Variants in PDE1C observed in about 807,000 individuals in gnomAD.
The protein encoded by PDE1C is phosphodiesterase 1C, also known as dual specificity calcium/calmodulin-dependent 3',5'-cyclic nucleotide phosphodiesterase 1C.
PDE1C carries 62 observed loss-of-function variants against 93.1 expected under a neutral mutation model. The ratio of observed to expected loss-of-function variants is 0.67; its 90% CI spans 0.54 to 0.82. The LOEUF is 0.82. PDE1C is among the 40% of genes least tolerant of loss of function. PDE1C has a pLI of 0.00. For missense variants in PDE1C, 742 were observed against 884.6 expected (o/e 0.84, Z 2.04); for synonymous variants, 325 against 310.1 (o/e 1.05, Z -0.50).
At chr7:32,027,844 A>G (rs957653619) in intron 2 of PDE1C, among the ~76,000 whole-genome samples, 1 of 152,064 alleles carries the variant, frequency 6.6e-6, no homozygotes, top group African/African-American at 2.4e-5. Context: ...AACAACAACA[A>G]AAAAATCTGA....
intron 3 of PDE1C, among the ~76,000 whole-genome samples, chr7:32,101,281 G>A (rs1443639667): frequency 1.3e-5 from 2 of 152,164 alleles, no homozygotes; most frequent in African/African-American, 4.8e-5. Context: ...GGATACCCAA[G>A]ATATATTTCT....
intron 1 of PDE1C, among the ~76,000 whole-genome samples, chr7:32,057,346 T>G (rs1374527495): frequency 6.6e-6 from 1 of 152,204 alleles, no homozygotes; most frequent in African/African-American, 2.4e-5. Flanking sequence ...GTCCGGAATG[T>G]TTCAATGGAA....
At chr7:31,643,838 G>A in the PDE1C span, 4 of 1,613,796 alleles carry the variant, frequency 2.5e-6, no homozygotes, top group African/African-American at 5.3e-5. Flanking sequence ...CAAAGCCCTG[G>A]CCCTGAACCC....
chr7:32,081,515 C>A (rs926525376), intron 3 of PDE1C, among the ~76,000 whole-genome samples: 1 of 152,220 alleles, frequency 6.6e-6, no homozygotes. Flanking sequence ...CTACTGATAA[C>A]TGGATATTTC....
intron 2 of PDE1C, among the ~76,000 whole-genome samples, chr7:31,896,474 GC>G (rs1459551822): frequency 6.6e-6 from 1 of 152,108 alleles, no homozygotes; most frequent in Admixed American, 6.5e-5. Context: ...AAAACTGACA[GC>G]TAGCCTTGTT....
At chr7:31,843,606 G>A (rs926396021) in intron 9 of PDE1C, among the ~76,000 whole-genome samples, 15 of 151,878 alleles carry the variant, frequency 9.9e-5, no homozygotes, top group African/African-American at 3.6e-4. Flanking sequence ...TACAATTGCA[G>A]TTGGAGCTTG....
intron 9 of PDE1C, among the ~76,000 whole-genome samples, chr7:31,845,356 A>C (rs564979672): frequency 6.6e-6 from 1 of 152,290 alleles, no homozygotes; most frequent in South Asian, 2.1e-4. Flanking sequence ...TATGGATATA[A>C]GTTGTAGGGA....
At chr7:32,068,743 C>T (rs757698432) in intron 1 of PDE1C, among the ~76,000 whole-genome samples, 7 of 152,174 alleles carry the variant, frequency 4.6e-5, no homozygotes, top group Non-Finnish European at 8.8e-5. Context: ...TCCATGGAGT[C>T]GGTTTAAATT....
chr7:32,424,612 G>A (rs1003292129), intron 1 of PDE1C, among the ~76,000 whole-genome samples: 18 of 152,114 alleles, frequency 1.2e-4, no homozygotes, highest in African/African-American at 2.9e-4. Flanking sequence ...TTGAGCCCAG[G>A]CCTGACAACA....
Position 32,005,910 on chromosome 7 carries a change from A to T in PDE1C, c.128+45644T>A, listed in dbSNP as rs1007075968. Among the ~76,000 whole-genome samples the T allele has an allele frequency of 2.0e-5, 3 of 152,192 alleles. No individual in the cohort carries two copies. In the East Asian group the frequency reaches 5.8e-4, roughly 29 times the overall value. ...TGCACGTACTGTTACTTACAGACACACTTACATGTTCAAGCCAGACTTAAA... is the reference window on the plus strand; with the variant it reads ...TGCACGTACTGTTACTTACAGACACTCTTACATGTTCAAGCCAGACTTAAA... On this transcript the variant is annotated intron_variant, in intron 2 of 17. Coordinates refer to ENST00000396191, the MANE Select transcript of PDE1C (RefSeq NM_001191057.4).
the PDE1C span, among the ~76,000 whole-genome samples, chr7:31,681,191 G>A: frequency 1.3e-5 from 2 of 152,196 alleles, no homozygotes; most frequent in African/African-American, 4.8e-5. Flanking sequence ...AACGGCTACT[G>A]CATTCTTCTA....
chr7:32,092,519 G>C (rs1417134781), intron 3 of PDE1C, among the ~76,000 whole-genome samples: 3 of 152,112 alleles, frequency 2.0e-5, no homozygotes, highest in African/African-American at 7.2e-5. Flanking sequence ...AAAAACACAG[G>C]CATTTCTGGC....
At chr7:31,847,282 T>A (rs1040349983) in intron 9 of PDE1C, among the ~76,000 whole-genome samples, 1 of 152,166 alleles carries the variant, frequency 6.6e-6, no homozygotes, top group African/African-American at 2.4e-5. Flanking sequence ...ATTGAGTCAC[T>A]TCCCGAATGT....
At chr7:31,802,936 CTG>C (rs1487010436) in intron 16 of PDE1C, among the ~76,000 whole-genome samples, 2 of 151,778 alleles carry the variant, frequency 1.3e-5, no homozygotes, top group East Asian at 3.9e-4. Context: ...CTTCTTGAAT[CTG>C]TGGATTTATA....
At chr7:32,080,618 A>G (rs1257596154) in intron 3 of PDE1C, among the ~76,000 whole-genome samples, 1 of 152,168 alleles carries the variant, frequency 6.6e-6, no homozygotes, top group Non-Finnish European at 1.5e-5. Flanking sequence ...CACCCTCCAG[A>G]TAAGTGAAAT....
the PDE1C span, among the ~76,000 whole-genome samples, chr7:31,674,124 T>C: frequency 1.3e-5 from 2 of 152,176 alleles, no homozygotes; most frequent in African/African-American, 4.8e-5. Flanking sequence ...AACATTACAG[T>C]CACCTTAGAA....
intron 1 of PDE1C, among the ~76,000 whole-genome samples, chr7:32,378,665 T>A (rs899076069): frequency 2.6e-5 from 4 of 152,140 alleles, no homozygotes; most frequent in African/African-American, 4.8e-5. Flanking sequence ...CACCCATCAC[T>A]CCAACTGGAC....
At chr7:31,968,160 A>G (rs2129044669) in intron 2 of PDE1C, among the ~76,000 whole-genome samples, 1 of 152,312 alleles carries the variant, frequency 6.6e-6, no homozygotes, top group Admixed American at 6.5e-5. Flanking sequence ...GAAAAGAGGA[A>G]GTCAAATTGT....
chr7:31,698,485 C>A, the PDE1C span, among the ~76,000 whole-genome samples: 2 of 152,222 alleles, frequency 1.3e-5, no homozygotes, highest in Non-Finnish European at 2.9e-5. Flanking sequence ...TTCTTTCACA[C>A]ACACACATTT....
Sources: allele counts gnomAD v4.1 joint callset (sites outside exome capture counted in the v4.1 genomes callset), GRCh38; gene constraint gnomAD v4.1.1; transcripts MANE v1.5; gene names NCBI Gene and HGNC (gene_info 2026-07-23, HGNC 2026-07-21).